The following BMP8B variants were observed in gnomAD, a reference collection of about 807,000 sequenced individuals.
BMP8B encodes the protein bone morphogenetic protein 8b, also known as bone morphogenetic protein 8 (osteogenic protein 2).
In BMP8B, 17 loss-of-function variants were observed where a neutral mutation model predicts 30.3. The observed-to-expected ratio is 0.56, with a 90% confidence interval of 0.38 to 0.84. The LOEUF is 0.84. Among genes scored for constraint, BMP8B ranks in the 40% least tolerant of loss-of-function variants. The probability of loss-of-function intolerance (pLI) is 0.00; values close to 1 mark genes in which losing one functional copy is unlikely to be tolerated. For synonymous variants in BMP8B, 131 were observed against 214.7 expected (o/e 0.61, Z 3.41); for missense variants, 253 against 494.6 (o/e 0.51, Z 4.63).
chr1:39,762,544 G>A, intron 6 of BMP8B: 1 of 1,550,408 alleles, frequency 6.4e-7, no homozygotes, highest in Non-Finnish European at 8.7e-7. Flanking sequence ...GGCATCAAAA[G>A]CCAGGGGATC....
chr1:39,770,606 C>T lies in BMP8B; in HGVS notation c.673+3702G>A, dbSNP rs377398400. ...TCTCCTGAAGACCACGTTTCCTGCC[C>T]GGTCGGCCTTCCACCCTTTCACCAG... is the stretch of plus-strand genomic sequence containing the variant. On this transcript the variant is annotated intron_variant, in intron 3 of 6. Coordinates refer to ENST00000372827, the MANE Select transcript of BMP8B (RefSeq NM_001720.5). 9.1e-5 allele frequency: 145 copies of T among 1,592,858 alleles called. 3 individuals are homozygous for T. The highest frequency in any genetic ancestry group is 1.2e-4 in the Non-Finnish European group (141 of 1,171,182).
In BMP8B at chr1:39,779,265, C is replaced by A. The variant is rs190726594; in HGVS notation, c.335-4227G>T. ...CTATGGCACCCATTGTCGGCCCGCA[C>A]ACAGACAGGGAGGGCCGGCCCTACT... is the stretch of plus-strand genomic sequence containing the variant. On this transcript the variant is annotated intron_variant, in intron 1 of 6. Transcript: ENST00000372827. Among the ~76,000 whole-genome samples the A allele has an allele frequency of 4.2e-3, 638 of 152,328 alleles. 7 individuals carry two copies. Among genetic ancestry groups the A allele is most frequent in the African/African-American group, 0.015 (616 of 41,574 alleles).
rs1650773628 is a variant in BMP8B, at chr1:39,783,248, A to T, written c.334+4904T>A. ...CAGGGCCTACCCTCCTACAGCTGTG[A>T]TCTACCTTTCATATCTGCTCCTGTG... On this transcript the variant is annotated intron_variant, in intron 1 of 6. Coordinates refer to ENST00000372827, the MANE Select transcript of BMP8B (RefSeq NM_001720.5). Among the ~76,000 whole-genome samples, 6 of 152,132 alleles carry T rather than the reference A, an allele frequency of 3.9e-5. No homozygotes were observed. In the South Asian group the frequency reaches 1.2e-3, roughly 32 times the overall value.
intron 1 of BMP8B, among the ~76,000 whole-genome samples, chr1:39,776,810 C>T (rs1650268279): frequency 6.6e-6 from 1 of 152,196 alleles, no homozygotes; most frequent in African/African-American, 2.4e-5. Context: ...TTATTCAGTT[C>T]TTACTGTGTG....
At chr1:39,781,587 G>A (rs1650642282) in intron 1 of BMP8B, among the ~76,000 whole-genome samples, 1 of 152,200 alleles carries the variant, frequency 6.6e-6, no homozygotes, top group South Asian at 2.1e-4. Context: ...GGCTCTCTGG[G>A]CAACAGACAC....
chr1:39,760,484 T>A lies in BMP8B; in HGVS notation c.1144A>T (p.Ser382Cys). ...TTGCGCAGGATGACATTGTTGCTGCTGTCATAGTAGAGCACAGAGGTGGCG... is the reference window on the plus strand; with the variant it reads ...TTGCGCAGGATGACATTGTTGCTGCAGTCATAGTAGAGCACAGAGGTGGCG... ...LSATSVLYYD[S>C]SNNVILRKHR... Residue 382 changes from serine (S) to cysteine (C), a missense_variant, in exon 7 of 7, where the codon AGC (serine) becomes TGC (cysteine). Transcript: ENST00000372827. 6.2e-7 allele frequency: 1 copy of A among 1,614,170 alleles called. No homozygotes were observed. Among genetic ancestry groups the A allele is most frequent in the Non-Finnish European group, 8.5e-7 (1 of 1,180,028 alleles).
Position 39,760,524 on chromosome 1 carries a change from T to A in BMP8B, c.1104A>T (p.Ala368=), listed in dbSNP as rs770515791. ...CAGAGGTGGCGCTCAGCTTGGTGGG[T>A]GCACAGCACGCCTTGGGGACTGCGT... ...MPDAVPKACC[A]PTKLSATSVL... is the part of the protein sequence containing the mutation. The change falls in exon 7 of 7, where the codon GCA becomes GCT. Residue 368 remains alanine, a synonymous_variant. Coordinates refer to ENST00000372827, the MANE Select transcript of BMP8B (RefSeq NM_001720.5). The A allele has an allele frequency of 5.6e-6, 9 of 1,613,898 alleles. No individual in the cohort carries two copies. Among genetic ancestry groups the A allele is most frequent in the African/African-American group, 2.7e-5 (2 of 74,882 alleles).
chr1:39,771,630 G>A (rs1649986616), intron 3 of BMP8B, among the ~76,000 whole-genome samples: 1 of 149,522 alleles, frequency 6.7e-6, no homozygotes, highest in South Asian at 2.1e-4. Context: ...GACACCAAGT[G>A]TCCAATGAGC....
At chr1:39,768,111 T>A (rs1414326131) in intron 3 of BMP8B, among the ~76,000 whole-genome samples, 2 of 151,382 alleles carry the variant, frequency 1.3e-5, no homozygotes, top group Non-Finnish European at 2.9e-5. Flanking sequence ...CAATCTTAAT[T>A]TTAGTTTTTG....
intron 1 of BMP8B, among the ~76,000 whole-genome samples, chr1:39,776,332 A>C (rs994216532): frequency 6.6e-6 from 1 of 152,162 alleles, no homozygotes; most frequent in Non-Finnish European, 1.5e-5. Flanking sequence ...TCCGTTTCAA[A>C]CTCTAGAAAT....
Position 39,760,365 on chromosome 1 carries a change from G to C in BMP8B, c.*54C>G, listed in dbSNP as rs1648766396. 6.2e-7 allele frequency: 1 copy of C among 1,605,668 alleles called. No homozygotes were observed. The highest frequency in any genetic ancestry group is 1.1e-5 in the South Asian group (1 of 90,782). On this transcript the variant is annotated 3_prime_UTR_variant, in exon 7 of 7. Coordinates refer to ENST00000372827, the MANE Select transcript of BMP8B (RefSeq NM_001720.5). Reference sequence around the variant, plus strand: ...CTGGGTTTGAGGGTTTCCTGCTTCTGAGGGGCCCGATCCAGATGAGAAGGG... The same window carrying C: ...CTGGGTTTGAGGGTTTCCTGCTTCTCAGGGGCCCGATCCAGATGAGAAGGG...
rs79597708 is a variant in BMP8B at position 39,777,301 on chromosome 1, C to T, written c.335-2263G>A. 9.0e-4 allele frequency among the ~76,000 whole-genome samples: 137 copies of T among 152,354 alleles called. 4 individuals carry two copies. In the East Asian group the frequency reaches 0.023, roughly 25 times the overall value. On this transcript the variant is annotated intron_variant, in intron 1 of 6. Coordinates refer to ENST00000372827, the MANE Select transcript of BMP8B (RefSeq NM_001720.5). ...ATAAAAGCTGCCCCAAATGGTCTCA[C>T]GCTGAACCAGCTTCTGTCTGGGGAA...
At chr1:39,782,914 C>T (rs1350468455) in intron 1 of BMP8B, among the ~76,000 whole-genome samples, 1 of 152,030 alleles carries the variant, frequency 6.6e-6, no homozygotes, top group Non-Finnish European at 1.5e-5. Context: ...TCGCCTCAGC[C>T]GCCTGAGTAG....
At chr1:39,786,435 A>C (rs1810490) in intron 1 of BMP8B, among the ~76,000 whole-genome samples, 2 of 152,152 alleles carry the variant, frequency 1.3e-5, no homozygotes, top group Non-Finnish European at 2.9e-5. Context: ...CAGGCACCTC[A>C]TTTTACAAGG....
chr1:39,760,690 G>A, intron 6 of BMP8B, 122 bp from the exon 7 acceptor site: 2 of 1,274,308 alleles, frequency 1.6e-6, no homozygotes, highest in Non-Finnish European at 2.1e-6. Flanking sequence ...CATGGGAGCA[G>A]CACAATAATA....
intron 6 of BMP8B, chr1:39,761,277 C>T (rs916656449): frequency 2.0e-5 from 3 of 152,886 alleles, no homozygotes; most frequent in Admixed American, 6.5e-5. Flanking sequence ...GATGACTCCT[C>T]TTGCCTCCTC....
At chr1:39,760,904 C>A (rs542074850) in intron 6 of BMP8B, among the ~76,000 whole-genome samples, 15 of 151,332 alleles carry the variant, frequency 9.9e-5, no homozygotes, top group Non-Finnish European at 5.9e-5. Context: ...AGGTTTGTGC[C>A]CTTAGTGAGG....
chr1:39,761,424 A>ACCCCCCCCCCCCAACCCCCCCCC (rs1437075782), intron 6 of BMP8B: 1 of 113,142 alleles, frequency 8.8e-6, no homozygotes, highest in Non-Finnish European at 1.9e-5. Context: ...TTCCACCACC[A>ACCCCCCCCCCCCAACCCCCCCCC]CCCCCACCCC....
chr1:39,784,115 T>A lies in BMP8B; in HGVS notation c.334+4037A>T, dbSNP rs1347805369. Among the ~76,000 whole-genome samples the A allele has an allele frequency of 2.0e-5, 3 of 152,126 alleles. No homozygotes were observed. In the East Asian group the frequency reaches 5.8e-4, roughly 29 times the overall value. ...TGTGTGGCCTTAGGAAAACCACCTA[T>A]CTGCTCTGAGCCTCTCTCTCCTCTC... On this transcript the variant is annotated intron_variant, in intron 1 of 6. Coordinates refer to ENST00000372827, the MANE Select transcript of BMP8B (RefSeq NM_001720.5).
Sources: allele counts gnomAD v4.1 joint callset (sites outside exome capture counted in the v4.1 genomes callset), GRCh38; gene constraint gnomAD v4.1.1; transcripts MANE v1.5; gene names NCBI Gene and HGNC (gene_info 2026-07-23, HGNC 2026-07-21).